Variants in TRDN observed in about 807,000 individuals in gnomAD.
TRDN encodes the protein triadin, also known as triadin in skeletal muscle.
In TRDN, 161 loss-of-function variants were observed where a neutral mutation model predicts 149.7. The observed-to-expected ratio is 1.08, with a 90% CI of 0.95 to 1.23. The LOEUF (loss-of-function observed/expected upper bound fraction) is 1.23, where lower values mean the gene tolerates loss of function less well. Among genes scored for constraint, TRDN ranks in the 50% most tolerant of loss-of-function variants. The probability of loss-of-function intolerance (pLI) is 0.00; values close to 1 mark genes in which losing one functional copy is unlikely to be tolerated. For synonymous variants in TRDN, 294 were observed against 250.5 expected (o/e 1.17, Z -1.64); for missense variants, 896 against 823.5 (o/e 1.09, Z -1.08).
At chr6:123,248,198 T>C (rs1776251970) in intron 38 of TRDN, among the ~76,000 whole-genome samples, 1 of 152,108 alleles carries the variant, frequency 6.6e-6, no homozygotes, top group Non-Finnish European at 1.5e-5. Flanking sequence ...TAAGCAGGAA[T>C]ATAAGAAATA....
chr6:123,631,545 A>T (rs1786008491), intron 1 of TRDN, among the ~76,000 whole-genome samples: 1 of 152,080 alleles, frequency 6.6e-6, no homozygotes, highest in African/African-American at 2.4e-5. Context: ...GCTTAATATG[A>T]GCATATTTGG....
At chr6:123,544,081 A>G (rs189100939) in intron 4 of TRDN, among the ~76,000 whole-genome samples, 206 of 152,244 alleles carry the variant, frequency 1.4e-3, no homozygotes, top group South Asian at 2.5e-3. Flanking sequence ...AACCTGAAAA[A>G]TGAATTTTTT....
In TRDN at chr6:123,260,713, A is replaced by T. The variant is rs926160671; in HGVS notation, c.1805-75T>A. On this transcript the variant is annotated intron_variant, in intron 33 of 40. Transcript: ENST00000334268. ...AAAGAAAAAGTATAGTTTTTTATTC[A>T]GTAGCAAACAATTGAAACTTATCTT... The T allele has an allele frequency of 4.2e-6, 5 of 1,183,664 alleles. No individual in the cohort carries two copies. In the African/African-American group the frequency reaches 6.3e-5, roughly 15 times the overall value. 73.3% of individuals were successfully genotyped at this position (1,183,664 alleles called of 1,614,324 possible).
At chr6:123,366,764 C>T (rs549982393) in intron 19 of TRDN, among the ~76,000 whole-genome samples, 176 of 152,228 alleles carry the variant, frequency 1.2e-3, no homozygotes, top group Admixed American at 3.9e-3. Flanking sequence ...GTGATCCGCC[C>T]GCCTCAGCCT....
At chr6:123,583,794 G>C (rs900844450) in intron 1 of TRDN, 4 of 158,226 alleles carry the variant, frequency 2.5e-5, no homozygotes, top group Non-Finnish European at 5.5e-5. Flanking sequence ...CGGGCATGTT[G>C]AGTAAAGCTA....
chr6:123,476,876 G>C (rs1357608998), intron 9 of TRDN, among the ~76,000 whole-genome samples: 1 of 151,964 alleles, frequency 6.6e-6, no homozygotes, highest in East Asian at 1.9e-4. Flanking sequence ...GCTGAAACTG[G>C]ATGCCTTCCT....
At position 123,473,406 on chromosome 6, in the gene TRDN, A is replaced by G. The variant is rs1002406525; in HGVS notation, c.854-8423T>C. 4.8e-3 allele frequency among the ~76,000 whole-genome samples: 726 copies of G among 151,886 alleles called. 9 individuals are homozygous for G. The highest frequency in any genetic ancestry group is 0.016 in the African/African-American group (681 of 41,508). On this transcript the variant is annotated intron_variant, in intron 9 of 40. Coordinates refer to ENST00000334268, the MANE Select transcript of TRDN (RefSeq NM_006073.4). ...GGAAGTTTAGAGAAAAAAGAATAAA[A>G]AGAAGTGAGCAAAGCCTCCAAGAAA...
chr6:123,605,694 G>A (rs140460480), intron 1 of TRDN, among the ~76,000 whole-genome samples: 138 of 152,098 alleles, frequency 9.1e-4, no homozygotes, highest in African/African-American at 2.9e-3. Context: ...AACCTGGGAG[G>A]CGGAGGTTAC....
At chr6:123,292,317 C>T (rs976841820) in intron 24 of TRDN, among the ~76,000 whole-genome samples, 12 of 152,034 alleles carry the variant, frequency 7.9e-5, no homozygotes, top group Non-Finnish European at 1.2e-4. Flanking sequence ...TGGATCAGAG[C>T]GGAAGTGGGT....
intron 40 of TRDN, among the ~76,000 whole-genome samples, chr6:123,220,580 G>T (rs996119661): frequency 6.6e-6 from 1 of 151,710 alleles, no homozygotes; most frequent in African/African-American, 2.4e-5. Flanking sequence ...TATAATAAGT[G>T]TCTTATCTAC....
At chr6:123,522,558 A>G (rs1162477125) in intron 5 of TRDN, among the ~76,000 whole-genome samples, 1 of 105,508 alleles carries the variant, frequency 9.5e-6, no homozygotes, top group Non-Finnish European at 1.9e-5. Context: ...CAAATCATCC[A>G]TATTTATCTG....
At chr6:123,250,569 G>T (rs1410570578) in intron 38 of TRDN, among the ~76,000 whole-genome samples, 1 of 151,890 alleles carries the variant, frequency 6.6e-6, no homozygotes, top group Non-Finnish European at 1.5e-5. Context: ...TGCTATAGAG[G>T]AAATAAGCTT....
chr6:123,472,037 G>C (rs994119444), intron 9 of TRDN, among the ~76,000 whole-genome samples: 1 of 152,176 alleles, frequency 6.6e-6, no homozygotes, highest in African/African-American at 2.4e-5. Flanking sequence ...AGGATAAATA[G>C]TCTAACAAAG....
At chr6:123,409,261 A>G (rs1279410515) in intron 12 of TRDN, among the ~76,000 whole-genome samples, 1 of 152,254 alleles carries the variant, frequency 6.6e-6, no homozygotes, top group Non-Finnish European at 1.5e-5. Flanking sequence ...TTTACAGTTT[A>G]CAAGGCTCTT....
intron 1 of TRDN, among the ~76,000 whole-genome samples, chr6:123,617,637 C>T (rs1411215387): frequency 1.3e-5 from 2 of 151,938 alleles, no homozygotes; most frequent in Non-Finnish European, 2.9e-5. Flanking sequence ...AGCTCTGTGA[C>T]CTTGATAAAG....
At chr6:123,371,623 A>T (rs902132126) in intron 19 of TRDN, among the ~76,000 whole-genome samples, 1 of 152,142 alleles carries the variant, frequency 6.6e-6, no homozygotes, top group Non-Finnish European at 1.5e-5. Flanking sequence ...TTCATGTCTT[A>T]ACTGAACCTA....
chr6:123,511,466 T>C (rs1779179520), intron 7 of TRDN, among the ~76,000 whole-genome samples: 1 of 152,130 alleles, frequency 6.6e-6, no homozygotes, highest in Admixed American at 6.6e-5. Context: ...ACAACAACTA[T>C]GTACCTATAA....
chr6:123,342,760 A>C (rs1004365313), intron 21 of TRDN, among the ~76,000 whole-genome samples: 3 of 152,006 alleles, frequency 2.0e-5, no homozygotes, highest in Non-Finnish European at 4.4e-5. Context: ...CTGGATTATA[A>C]AGTAGATATC....
rs914146951 is a variant in TRDN, at chr6:123,460,901, T to G, written c.931+4005A>C. Among the ~76,000 whole-genome samples, 10 of 152,312 alleles carry G rather than the reference T, an allele frequency of 6.6e-5. No individual in the cohort carries two copies. The East Asian group carries it at 1.7e-3, about 26-fold the overall frequency. ...TTTCACTTGATAACCTTGCCTCATT[T>G]ATATCTCATCTTCCTCCTTTTACAG... On this transcript the variant is annotated intron_variant, in intron 10 of 40. Transcript: ENST00000334268.
Sources: allele counts gnomAD v4.1 joint callset (sites outside exome capture counted in the v4.1 genomes callset), GRCh38; gene constraint gnomAD v4.1.1; transcripts MANE v1.5; gene names NCBI Gene and HGNC (gene_info 2026-07-23, HGNC 2026-07-21).